The following NUBPL variants were observed in gnomAD, a reference collection of about 807,000 sequenced individuals.
NUBPL encodes the protein NUBP iron-sulfur cluster assembly factor, mitochondrial, also known as iron-sulfur cluster transfer protein NUBPL.
NUBPL carries 31 observed loss-of-function variants against 45.7 expected under a neutral mutation model. The ratio of observed to expected loss-of-function variants is 0.68; its 90% confidence interval spans 0.51 to 0.92. The LOEUF is 0.92. Among genes scored for constraint, NUBPL ranks in the 40% least tolerant of loss-of-function variants. NUBPL has a pLI of 0.00. For missense variants in NUBPL, 401 were observed against 398.7 expected (o/e 1.01, Z -0.05); for synonymous variants, 144 against 140.9 (o/e 1.02, Z -0.15).
chr14:31,603,299 G>GAAAAAAAAAAAAAAAAAAAAAAAAA (rs529470069), intron 4 of NUBPL, among the ~76,000 whole-genome samples: 3 of 57,022 alleles, frequency 5.3e-5, no homozygotes, highest in East Asian at 6.1e-4. Flanking sequence ...GATCCTGTCT[G>GAAAAAAAAAAAAAAAAAAAAAAAAA]AAAAAAAAAA....
chr14:31,725,856 C>T (rs35942871), intron 6 of NUBPL, among the ~76,000 whole-genome samples: 55,474 of 151,222 alleles, frequency 0.37, 12,489 homozygotes, highest in East Asian at 0.6. Context: ...ATTACAGGCG[C>T]CCACCACCAC....
chr14:31,731,846 T>G (rs2038054561), intron 6 of NUBPL, among the ~76,000 whole-genome samples: 1 of 152,086 alleles, frequency 6.6e-6, no homozygotes, highest in South Asian at 2.1e-4. Flanking sequence ...ATGTATAACA[T>G]AAAGGAAGGA....
rs762587146 is a variant in NUBPL at position 31,787,849 on chromosome 14, G to A, written c.583G>A (p.Val195Ile). Reference sequence around the variant, plus strand: ...AGGAACTGGAGATGTGCAGTTATCAGTCTCACAGAATATTCCTATAACAGG... The same window carrying A: ...AGGAACTGGAGATGTGCAGTTATCAATCTCACAGAATATTCCTATAACAGG... ...PPGTGDVQLS[V>I]SQNIPITGAV... is the part of the protein sequence containing the mutation. The change falls in exon 7 of 11, where the codon GTC (valine) becomes ATC (isoleucine). Residue 195 changes from valine (V) to isoleucine (I), a missense_variant. By Grantham distance (29) the Val-to-Ile change is conservative (BLOSUM62 3). Coordinates refer to ENST00000281081, the MANE Select transcript of NUBPL (RefSeq NM_025152.3). 7 of 1,611,846 alleles carry A rather than the reference G, an allele frequency of 4.3e-6. No homozygotes were observed. The highest frequency in any genetic ancestry group is 5.9e-6 in the Non-Finnish European group (7 of 1,178,084).
At chr14:31,802,926 T>C (rs2039620033) in intron 7 of NUBPL, among the ~76,000 whole-genome samples, 1 of 152,210 alleles carries the variant, frequency 6.6e-6, no homozygotes, top group Non-Finnish European at 1.5e-5. Flanking sequence ...GAAAGGCATT[T>C]ATTGTTTGTG....
chr14:31,710,851 A>G (rs1230503216), intron 6 of NUBPL, among the ~76,000 whole-genome samples: 1 of 152,174 alleles, frequency 6.6e-6, no homozygotes, highest in Non-Finnish European at 1.5e-5. Flanking sequence ...AAAATTCCGG[A>G]TAGTTCCCCC....
intron 4 of NUBPL, among the ~76,000 whole-genome samples, chr14:31,614,992 A>G (rs2034858268): frequency 2.6e-5 from 4 of 152,174 alleles, no homozygotes; most frequent in Admixed American, 2.6e-4. Flanking sequence ...AGGATTGACA[A>G]TGAGGATGGT....
intron 4 of NUBPL, among the ~76,000 whole-genome samples, chr14:31,666,263 A>ATATATTTATTTATT: frequency 1.8e-5 from 2 of 111,886 alleles, no homozygotes; most frequent in Admixed American, 2.1e-4. Context: ...ATATATATAT[A>ATATATTTATTTATT]ATTTTATTTT....
chr14:31,678,223 G>C (rs1164715908), intron 6 of NUBPL, among the ~76,000 whole-genome samples: 2 of 152,190 alleles, frequency 1.3e-5, no homozygotes, highest in Non-Finnish European at 2.9e-5. Context: ...CTGGCCCAGA[G>C]CAGGTCCAGA....
intron 6 of NUBPL, among the ~76,000 whole-genome samples, chr14:31,781,903 A>G (rs2039197257): frequency 6.6e-6 from 1 of 152,082 alleles, no homozygotes; most frequent in Non-Finnish European, 1.5e-5. Context: ...TCTTTCTTAT[A>G]CAATATTATT....
At chr14:31,651,749 A>T (rs1400428087) in intron 4 of NUBPL, among the ~76,000 whole-genome samples, 2 of 152,028 alleles carry the variant, frequency 1.3e-5, no homozygotes, top group Non-Finnish European at 2.9e-5. Flanking sequence ...ATACAAAAAA[A>T]TTAGCCAGGT....
At chr14:31,761,881 G>A (rs1003989082) in intron 6 of NUBPL, among the ~76,000 whole-genome samples, 1 of 152,146 alleles carries the variant, frequency 6.6e-6, no homozygotes, top group Non-Finnish European at 1.5e-5. Flanking sequence ...ATCTAACAAA[G>A]CATGGATTAT....
chr14:31,673,114 A>C (rs1000209872), intron 4 of NUBPL, among the ~76,000 whole-genome samples: 1 of 152,208 alleles, frequency 6.6e-6, no homozygotes, highest in African/African-American at 2.4e-5. Flanking sequence ...AAATGTTTTT[A>C]CTGCAAAGAA....
intron 4 of NUBPL, among the ~76,000 whole-genome samples, chr14:31,672,233 A>G (rs1276125093): frequency 6.6e-6 from 1 of 151,946 alleles, no homozygotes; most frequent in Admixed American, 6.6e-5. Context: ...AAAGGAACAA[A>G]TAAGTAGTAA....
At chr14:31,736,202 A>C (rs1207298258) in intron 6 of NUBPL, among the ~76,000 whole-genome samples, 5 of 152,210 alleles carry the variant, frequency 3.3e-5, no homozygotes, top group African/African-American at 7.2e-5. Flanking sequence ...CGACCTCCAA[A>C]GTTTTCTTGA....
chr14:31,594,692 T>C (rs977988237), intron 3 of NUBPL, among the ~76,000 whole-genome samples: 2 of 152,220 alleles, frequency 1.3e-5, no homozygotes, highest in African/African-American at 4.8e-5. Flanking sequence ...GACAATCAGA[T>C]TCTTATTTAA....
chr14:31,582,034 C>T (rs1319211945), intron 3 of NUBPL, among the ~76,000 whole-genome samples: 6 of 151,926 alleles, frequency 3.9e-5, no homozygotes, highest in South Asian at 2.1e-4. Flanking sequence ...TTAGTCAATT[C>T]GTTTACTTTC....
At position 31,694,962 on chromosome 14, in the gene NUBPL, A is replaced by G. The variant is rs187270173; in HGVS notation, c.513+21388A>G. On this transcript the variant is annotated intron_variant, in intron 6 of 10. Coordinates refer to ENST00000281081, the MANE Select transcript of NUBPL (RefSeq NM_025152.3). ...TACTTTTGACTTGTAATAATAAGCA[A>G]GAAATATAGATATGCTAGAAGTTTT... Among the ~76,000 whole-genome samples, 370 of 152,364 alleles carry G rather than the reference A, an allele frequency of 2.4e-3. 5 individuals carry two copies. Among genetic ancestry groups the G allele is most frequent in the South Asian group, 0.022 (107 of 4,824 alleles).
chr14:31,626,078 A>C (rs2139648245), intron 4 of NUBPL, among the ~76,000 whole-genome samples: 1 of 152,324 alleles, frequency 6.6e-6, no homozygotes, highest in East Asian at 1.9e-4. Flanking sequence ...ATTATGAACA[A>C]AATATGTGTG....
intron 3 of NUBPL, among the ~76,000 whole-genome samples, chr14:31,578,474 A>G (rs1328360578): frequency 2.0e-5 from 3 of 152,178 alleles, no homozygotes; most frequent in Admixed American, 6.5e-5. Flanking sequence ...CAATTGCACT[A>G]TGTGAAAGGG....
Sources: gnomAD v4.1 joint callset for allele counts (sites outside exome capture counted in the v4.1 genomes callset) on GRCh38, gnomAD v4.1.1 for gene constraint, MANE v1.5 for transcripts, NCBI Gene and HGNC (gene_info 2026-07-23, HGNC 2026-07-21) for gene names.